WFIKKN1: variants seen among roughly 807,000 people sequenced by gnomAD.
WFIKKN1 encodes WAP, follistatin/kazal, immunoglobulin, kunitz and netrin domain containing 1.
Under a neutral mutation model 4.6 loss-of-function variants are expected in WFIKKN1, and 6 were observed. The ratio of observed to expected loss-of-function variants is 1.31; its 90% CI spans 0.72 to 2.59. The LOEUF (loss-of-function observed/expected upper bound fraction) is 2.59, where lower values mean the gene tolerates loss of function less well. Ranked by LOEUF, WFIKKN1 falls within the 30% of genes most tolerant of loss-of-function variation. The pLI is 0.00. For missense variants in WFIKKN1, 964 were observed against 818.0 expected (o/e 1.18, Z -2.18); for synonymous variants, 468 against 367.4 (o/e 1.27, Z -3.13).
rs2036975081 is a variant in WFIKKN1 at position 633,158 on chromosome 16, C to G, written c.748C>G (p.Leu250Val). 6.2e-7 allele frequency: 1 copy of G among 1,601,634 alleles called. No homozygotes were observed. The highest frequency in any genetic ancestry group is 1.3e-5 in the African/African-American group (1 of 74,390). Residue 250 changes from leucine (L) to valine (V), a missense_variant, in exon 2 of 2, where the codon CTC becomes GTC. Leu to Val is a conservative substitution (Grantham distance 32). Coordinates refer to ENST00000319070, the MANE Select transcript of WFIKKN1 (RefSeq NM_053284.3). ...VVVTSIGQLV[L>V]YNARPEDAGL... Reference sequence around the variant, plus strand: ...GGTCACCAGCATCGGGCAGCTGGTGCTCTACAACGCGCGGCCCGAAGACGC... The same window carrying G: ...GGTCACCAGCATCGGGCAGCTGGTGGTCTACAACGCGCGGCCCGAAGACGC...
chr16:633,838 G>A lies in WFIKKN1; in HGVS notation c.1428G>A (p.Lys476=), dbSNP rs771402329. The change falls in exon 2 of 2, where the codon AAG becomes AAA. Residue 476 remains lysine (K), a synonymous_variant. Transcript: ENST00000319070. ...DKMGLKFLGT[K]YLEVTLSGMD... is the part of the protein sequence containing the mutation. ...TGGGCCTCAAGTTCTTGGGCACCAA[G>A]TACCTGGAGGTGACGCTGAGTGGCA... 1.2e-5 allele frequency: 19 copies of A among 1,600,602 alleles called. No individual in the cohort carries two copies. The highest frequency in any genetic ancestry group is 3.3e-4 in the Middle Eastern group (2 of 6,070).
chr16:631,686 C>G (rs1286897043), intron 1 of WFIKKN1: 26 of 327,452 alleles, frequency 7.9e-5, no homozygotes, highest in Non-Finnish European at 1.4e-4. Flanking sequence ...CCCGTCACTG[C>G]CTCTCCTCCC....
chr16:633,275 G>T lies in WFIKKN1; in HGVS notation c.865G>T (p.Ala289Ser). ...SVVQREPARDAAPSIPAPAEC... is the reference protein window; with the variant it reads ...SVVQREPARDSAPSIPAPAEC... ...GGTCCAGCGAGAGCCGGCCAGGGAC[G>T]CAGCCCCCAGCATCCCAGCCCCGGC... Residue 289 changes from alanine to serine, a missense_variant, in exon 2 of 2, where the codon GCA becomes TCA. By Grantham distance (99) the Ala-to-Ser change is moderately conservative. Coordinates refer to ENST00000319070, the MANE Select transcript of WFIKKN1 (RefSeq NM_053284.3). 1 of 1,581,362 alleles carries T rather than the reference G, an allele frequency of 6.3e-7. No individual in the cohort carries two copies. Among genetic ancestry groups the T allele is most frequent in the Non-Finnish European group, 8.6e-7 (1 of 1,167,684 alleles).
chr16:633,636 G>T lies in WFIKKN1; in HGVS notation c.1226G>T (p.Cys409Phe). ...FHSRESCEDA[C>F]PVPRTPPCRA... is the part of the protein sequence containing the mutation. ...AGCCGCGAGAGCTGCGAGGATGCCT[G>T]CCCCGTGCCGCGCACACCGCCCTGC... is the stretch of plus-strand genomic sequence containing the variant. Residue 409 changes from cysteine (C) to phenylalanine (F), a missense_variant, in exon 2 of 2, where the codon TGC becomes TTC. Cys to Phe is a radical substitution (Grantham distance 205, BLOSUM62 -2). Coordinates refer to ENST00000319070, the MANE Select transcript of WFIKKN1 (RefSeq NM_053284.3). The T allele has an allele frequency of 6.4e-7, 1 of 1,568,144 alleles. No individual in the cohort carries two copies.
At chr16:632,391 A>G (rs1175234910) in intron 1 of WFIKKN1, 191 bp from the exon 2 acceptor site, 6 of 575,986 alleles carry the variant, frequency 1.0e-5, no homozygotes, top group Middle Eastern at 4.8e-4. Context: ...GGATTCTGGA[A>G]GGTAAGCCAG....
chr16:633,592 C>A lies in WFIKKN1; in HGVS notation c.1182C>A (p.Gly394=). 1.3e-6 allele frequency: 2 copies of A among 1,571,528 alleles called. No individual in the cohort carries two copies. The highest frequency in any genetic ancestry group is 8.6e-7 in the Non-Finnish European group (1 of 1,165,328). ...CHPFVYGGCE[G]NGNNFHSRES... is the part of the protein sequence containing the mutation. ...CCTTCGTGTACGGTGGCTGCGAGGG[C>A]AACGGCAACAACTTCCACAGCCGCG... The change falls in exon 2 of 2, where the codon GGC becomes GGA. Residue 394 remains glycine, a synonymous_variant. Coordinates refer to ENST00000319070, the MANE Select transcript of WFIKKN1 (RefSeq NM_053284.3).
At position 631,377 on chromosome 16, in the gene WFIKKN1, T is replaced by C; in HGVS notation, c.124T>C (p.Trp42Arg). 1 of 1,609,172 alleles carries C rather than the reference T, an allele frequency of 6.2e-7. No homozygotes were observed. The highest frequency in any genetic ancestry group is 8.5e-7 in the Non-Finnish European group (1 of 1,179,322). ...VCPNQLSPNL[W>R]VDAQSTCERE... is the part of the protein sequence containing the mutation. ...CCCCAACCAGCTCAGCCCCAACCTG[T>C]GGGTGGACGCCCAGAGCACCTGTGA... Residue 42 changes from tryptophan (W) to arginine (R), a missense_variant, in exon 1 of 2, where the codon TGG (tryptophan) becomes CGG (arginine). Trp to Arg is a moderately radical substitution (Grantham distance 101, BLOSUM62 -3). Transcript: ENST00000319070.
Position 633,831 on chromosome 16 carries a change from G to A in WFIKKN1, c.1421G>A (p.Gly474Asp). The change falls in exon 2 of 2, where the codon GGC becomes GAC. Residue 474 changes from glycine (G) to aspartate (D), a missense_variant. By Grantham distance (94) the Gly-to-Asp change is moderately conservative. Transcript: ENST00000319070. ...KDDKMGLKFL[G>D]TKYLEVTLSG... Reference sequence around the variant, plus strand: ...GACAAGATGGGCCTCAAGTTCTTGGGCACCAAGTACCTGGAGGTGACGCTG... The same window carrying A: ...GACAAGATGGGCCTCAAGTTCTTGGACACCAAGTACCTGGAGGTGACGCTG... 6.2e-7 allele frequency: 1 copy of A among 1,601,780 alleles called. No homozygotes were observed. The highest frequency in any genetic ancestry group is 1.1e-5 in the South Asian group (1 of 89,286).
rs777863388 is a variant in WFIKKN1 at position 633,946 on chromosome 16, C to T, written c.1536C>T (p.Ala512=). ...TGGGTGAGGTGCGCGATGGCGTGGC[C>T]GTGCTGGACGCCGGCAGCTACGTCC... ...VIMGEVRDGV[A]VLDAGSYVRA... The change falls in exon 2 of 2, where the codon GCC becomes GCT. Residue 512 remains alanine (A), a synonymous_variant. Transcript: ENST00000319070. 55 of 1,595,556 alleles carry T rather than the reference C, an allele frequency of 3.4e-5. No homozygotes were observed. The highest frequency in any genetic ancestry group is 4.4e-5 in the Non-Finnish European group (52 of 1,172,022).
In WFIKKN1 at chr16:632,812, C is replaced by G; in HGVS notation, c.402C>G (p.Thr134=). The part of the protein sequence containing the change: ...PSFTCASDGL[T]YYNRCYMDAE... ...TCACCTGCGCCTCGGACGGCCTCAC[C>G]TACTACAACCGCTGCTATATGGACG... The change falls in exon 2 of 2, where the codon ACC becomes ACG. Residue 134 remains threonine (T), a synonymous_variant. Coordinates refer to ENST00000319070, the MANE Select transcript of WFIKKN1 (RefSeq NM_053284.3). 1 of 1,592,228 alleles carries G rather than the reference C, an allele frequency of 6.3e-7. No homozygotes were observed.
At chr16:632,401 G>A (rs1489724171) in intron 1 of WFIKKN1, 181 bp from the exon 2 acceptor site, 1 of 638,038 alleles carries the variant, frequency 1.6e-6, no homozygotes, top group Non-Finnish European at 2.4e-6. Context: ...AGGTAAGCCA[G>A]GTGGCACCTC....
rs780136226 is a variant in WFIKKN1 at position 633,940 on chromosome 16, C to T, written c.1530C>T (p.Gly510=). 4 of 1,595,202 alleles carry T rather than the reference C, an allele frequency of 2.5e-6. No homozygotes were observed. Among genetic ancestry groups the T allele is most frequent in the East Asian group, 2.3e-5 (1 of 43,544 alleles). The change falls in exon 2 of 2, where the codon GGC becomes GGT. Residue 510 remains glycine, a synonymous_variant. Coordinates refer to ENST00000319070, the MANE Select transcript of WFIKKN1 (RefSeq NM_053284.3). ...PLVIMGEVRD[G]VAVLDAGSYV... is the part of the protein sequence containing the mutation. ...TCATCATGGGTGAGGTGCGCGATGG[C>T]GTGGCCGTGCTGGACGCCGGCAGCT...
At position 633,146 on chromosome 16, in the gene WFIKKN1, G is replaced by A. The variant is rs756197830; in HGVS notation, c.736G>A (p.Gly246Arg). ...TGGCAACGTGGTGGTCACCAGCATCGGGCAGCTGGTGCTCTACAACGCGCG... is the reference window on the plus strand; with the variant it reads ...TGGCAACGTGGTGGTCACCAGCATCAGGCAGCTGGTGCTCTACAACGCGCG... ...MYGNVVVTSI[G>R]QLVLYNARPE... Residue 246 changes from glycine (G) to arginine (R), a missense_variant, in exon 2 of 2, where the codon GGG becomes AGG. Coordinates refer to ENST00000319070, the MANE Select transcript of WFIKKN1 (RefSeq NM_053284.3). 4.4e-6 allele frequency: 7 copies of A among 1,605,364 alleles called. No individual in the cohort carries two copies. Among genetic ancestry groups the A allele is most frequent in the Non-Finnish European group, 6.0e-6 (7 of 1,174,888 alleles).
Position 633,009 on chromosome 16 carries a change from G to C in WFIKKN1, c.599G>C (p.Gly200Ala). Residue 200 changes from glycine to alanine, a missense_variant, in exon 2 of 2, where the codon GGG (glycine) becomes GCG (alanine). Physicochemically the swap from Gly to Ala is moderately conservative, Grantham distance 60 (BLOSUM62 0). Coordinates refer to ENST00000319070, the MANE Select transcript of WFIKKN1 (RefSeq NM_053284.3). ...CCCTCCCCACAGGCGGTGCAGGTTG[G>C]GGGTACGGCCAGCCTCCACTGCGAC... Reference protein sequence around the residue: ...SSPSPQAVQVGGTASLHCDVS... With the variant: ...SSPSPQAVQVAGTASLHCDVS... 1 of 1,605,834 alleles carries C rather than the reference G, an allele frequency of 6.2e-7. No individual in the cohort carries two copies. The highest frequency in any genetic ancestry group is 8.5e-7 in the Non-Finnish European group (1 of 1,176,014).
At position 633,037 on chromosome 16, in the gene WFIKKN1, C is replaced by T. The variant is rs1271406319; in HGVS notation, c.627C>T (p.Val209=). Residue 209 remains valine (V), a synonymous_variant, in exon 2 of 2, where the codon GTC becomes GTT. Transcript: ENST00000319070. ...GTACGGCCAGCCTCCACTGCGACGTCAGCGGCCGCCCGCCGCCTGCTGTGA... is the reference window on the plus strand; with the variant it reads ...GTACGGCCAGCCTCCACTGCGACGTTAGCGGCCGCCCGCCGCCTGCTGTGA... ...VGGTASLHCD[V]SGRPPPAVTW... 1 of 1,611,092 alleles carries T rather than the reference C, an allele frequency of 6.2e-7. No individual in the cohort carries two copies. Among genetic ancestry groups the T allele is most frequent in the Non-Finnish European group, 8.5e-7 (1 of 1,179,038 alleles).
In WFIKKN1 at chr16:631,073, G is replaced by A; in HGVS notation, c.-181G>A. On this transcript the variant is annotated 5_prime_UTR_variant, in exon 1 of 2. Coordinates refer to ENST00000319070, the MANE Select transcript of WFIKKN1 (RefSeq NM_053284.3). The stretch of plus-strand genomic sequence containing the variant: ...TGGAGACCCCGTTACCCACCCAGCA[G>A]GGGTGTCAGGACAAGCATCTGCTGC... 5 of 671,326 alleles carry A rather than the reference G, an allele frequency of 7.4e-6. No individual in the cohort carries two copies. Among genetic ancestry groups the A allele is most frequent in the Non-Finnish European group, 1.2e-5 (5 of 410,338 alleles). The allele number at this position is 671,326 out of a possible 1,614,324, so 41.6% of individuals were successfully genotyped here.
chr16:632,531 C>A (rs939080294), intron 1 of WFIKKN1, 51 bp from the exon 2 acceptor site: 3 of 1,444,080 alleles, frequency 2.1e-6, no homozygotes, highest in Non-Finnish European at 2.7e-6. Context: ...CAGGCCAGAG[C>A]CCCGGGGCGG....
chr16:632,246 GC>G (rs1174114997), intron 1 of WFIKKN1: 20 of 261,330 alleles, frequency 7.7e-5, no homozygotes, highest in African/African-American at 4.4e-4. Flanking sequence ...TGGTGGGGGT[GC>G]TGCAGCCGAT....
chr16:632,188 T>C (rs1212537556), intron 1 of WFIKKN1: 2 of 184,016 alleles, frequency 1.1e-5, no homozygotes, highest in African/African-American at 4.8e-5. Flanking sequence ...CCATCCACTG[T>C]CCTCCCTGTC....
Sources: allele counts gnomAD v4.1 joint callset, GRCh38; gene constraint gnomAD v4.1.1; transcripts MANE v1.5; gene names NCBI Gene and HGNC (gene_info 2026-07-23, HGNC 2026-07-21).